Variants in CBFA2T2 observed in about 807,000 individuals in gnomAD.
CBFA2T2 encodes protein CBFA2T2.
Under a neutral mutation model 62.2 loss-of-function variants are expected in CBFA2T2, and 11 were observed. That is an observed-to-expected ratio of 0.18 (90% CI 0.11 to 0.29). CBFA2T2 has a LOEUF of 0.29. Ranked by LOEUF, CBFA2T2 falls within the 10% of genes least tolerant of loss-of-function variation. The pLI is 1.00. For synonymous variants in CBFA2T2, 295 were observed against 287.5 expected (o/e 1.03, Z -0.27); for missense variants, 592 against 774.1 (o/e 0.76, Z 2.79).
chr20:33,497,023 C>T (rs544738345), intron 1 of CBFA2T2, among the ~76,000 whole-genome samples: 3 of 152,158 alleles, frequency 2.0e-5, no homozygotes, highest in Admixed American at 2.0e-4. Context: ...CCTGTAATCC[C>T]AGTACTTTGG....
intron 1 of CBFA2T2, among the ~76,000 whole-genome samples, chr20:33,546,411 GC>G (rs2012569656): frequency 6.7e-6 from 1 of 149,906 alleles, no homozygotes; most frequent in Non-Finnish European, 1.5e-5. Context: ...GCTCAGCATG[GC>G]CTATCTGGAT....
chr20:33,541,194 G>C (rs906600396), intron 1 of CBFA2T2, among the ~76,000 whole-genome samples: 3 of 152,176 alleles, frequency 2.0e-5, no homozygotes, highest in African/African-American at 7.2e-5. Flanking sequence ...ATTGAAGTCA[G>C]GAACTAGATC....
chr20:33,617,912 T>C (rs1364411397), intron 3 of CBFA2T2, among the ~76,000 whole-genome samples: 2 of 152,302 alleles, frequency 1.3e-5, no homozygotes, highest in East Asian at 1.9e-4. Context: ...TCCAACATAA[T>C]TGCACACTCA....
intron 9 of CBFA2T2, chr20:33,638,809 G>A (rs972894658): frequency 2.0e-5 from 3 of 152,216 alleles, no homozygotes; most frequent in African/African-American, 7.2e-5. Context: ...TTATTTTGCA[G>A]CGTCTACATT....
intron 1 of CBFA2T2, among the ~76,000 whole-genome samples, chr20:33,565,110 G>A (rs542171091): frequency 3.9e-4 from 59 of 152,076 alleles, no homozygotes; most frequent in African/African-American, 1.3e-3. Flanking sequence ...TAGTAGAGAC[G>A]GTGTTTCACC....
At chr20:33,497,194 A>G (rs888266698) in intron 1 of CBFA2T2, among the ~76,000 whole-genome samples, 4 of 141,890 alleles carry the variant, frequency 2.8e-5, no homozygotes, top group African/African-American at 1.0e-4. Context: ...AATTGCTTGA[A>G]CCCGGGAGGC....
At chr20:33,535,161 T>C (rs1008221978) in intron 1 of CBFA2T2, among the ~76,000 whole-genome samples, 10 of 152,276 alleles carry the variant, frequency 6.6e-5, no homozygotes, top group Non-Finnish European at 1.5e-4. Flanking sequence ...GTTGAGGCTG[T>C]GGTTGCCTTT....
chr20:33,582,732 A>C (rs1191020113), intron 1 of CBFA2T2, among the ~76,000 whole-genome samples: 23 of 152,146 alleles, frequency 1.5e-4, no homozygotes, highest in Admixed American at 1.5e-3. Context: ...ACTTGAGGTC[A>C]GGAATTCGAG....
chr20:33,554,270 T>C (rs115526930), intron 1 of CBFA2T2, among the ~76,000 whole-genome samples: 3,409 of 151,134 alleles, frequency 0.023, 123 homozygotes, highest in African/African-American at 0.078. Context: ...TTTTTTTTTT[T>C]TTCAGACAGT....
At chr20:33,511,379 T>G (rs933944358) in intron 1 of CBFA2T2, among the ~76,000 whole-genome samples, 3 of 152,202 alleles carry the variant, frequency 2.0e-5, no homozygotes, top group Non-Finnish European at 1.5e-5. Flanking sequence ...CCAGCACCAT[T>G]TATTAAATAG....
chr20:33,614,283 A>AGAC (rs1355891511), intron 3 of CBFA2T2, among the ~76,000 whole-genome samples: 1 of 152,170 alleles, frequency 6.6e-6, no homozygotes, highest in Non-Finnish European at 1.5e-5. Context: ...TCTTTTAAGT[A>AGAC]GACAGTTCAG....
chr20:33,529,239 A>G (rs1427172318), intron 1 of CBFA2T2, among the ~76,000 whole-genome samples: 25 of 151,776 alleles, frequency 1.6e-4, no homozygotes, highest in Non-Finnish European at 4.4e-5. Context: ...GTTAGCCAGG[A>G]TGGTCTTGAT....
At chr20:33,595,750 G>C (rs565870558) in intron 1 of CBFA2T2, among the ~76,000 whole-genome samples, 1 of 151,726 alleles carries the variant, frequency 6.6e-6, no homozygotes, top group Admixed American at 6.6e-5. Context: ...ATGTTGGCCA[G>C]GCTGGTCTTG....
At chr20:33,582,474 G>A (rs1946966154) in intron 1 of CBFA2T2, among the ~76,000 whole-genome samples, 1 of 150,346 alleles carries the variant, frequency 6.7e-6, no homozygotes, top group South Asian at 2.1e-4. Flanking sequence ...GGCAACAAGA[G>A]CGAAACTCTA....
chr20:33,564,997 G>T (rs1169080580), intron 1 of CBFA2T2, among the ~76,000 whole-genome samples: 8 of 151,792 alleles, frequency 5.3e-5, no homozygotes, highest in Non-Finnish European at 1.2e-4. Context: ...TCGACTGACT[G>T]CAAGCTCCAC....
intron 1 of CBFA2T2, among the ~76,000 whole-genome samples, chr20:33,565,012 C>T (rs2013246919): frequency 6.6e-6 from 1 of 152,110 alleles, no homozygotes; most frequent in Non-Finnish European, 1.5e-5. Context: ...CTCCACCTCC[C>T]CGGTTCATGC....
chr20:33,636,484 A>G (rs931364095), intron 8 of CBFA2T2, among the ~76,000 whole-genome samples, 156 bp from the exon 9 acceptor site: 9 of 152,134 alleles, frequency 5.9e-5, no homozygotes, highest in Non-Finnish European at 1.2e-4. Flanking sequence ...TTACTGTACT[A>G]TTTTATAATC....
chr20:33,621,682 T>C (rs1056959680), intron 4 of CBFA2T2, among the ~76,000 whole-genome samples: 32 of 152,228 alleles, frequency 2.1e-4, no homozygotes, highest in Non-Finnish European at 1.8e-4. Context: ...TTTTACCTTA[T>C]TTTCATTTCC....
intron 3 of CBFA2T2, among the ~76,000 whole-genome samples, chr20:33,616,078 G>GAGATAGATAGAT (rs3054967): frequency 0.01 from 1,460 of 143,286 alleles, 6 homozygotes; most frequent in East Asian, 0.013. Context: ...TCTGTAGATA[G>GAGATAGATAGAT]AGATAGATAG....
Sources: allele counts gnomAD v4.1 joint callset (sites outside exome capture counted in the v4.1 genomes callset), GRCh38; gene constraint gnomAD v4.1.1; transcripts MANE v1.5; gene names NCBI Gene and HGNC (gene_info 2026-07-23, HGNC 2026-07-21).